The following NECAB1 variants were observed in gnomAD, a reference collection of about 807,000 sequenced individuals.
NECAB1 encodes N-terminal EF-hand calcium-binding protein 1.
Under a neutral mutation model 57.5 loss-of-function variants are expected in NECAB1, and 29 were observed. That is an observed-to-expected ratio of 0.50 (90% CI 0.38 to 0.69). The LOEUF is 0.69. NECAB1 is among the 30% of genes least tolerant of loss of function. The pLI is 0.00. For synonymous variants in NECAB1, 142 were observed against 147.7 expected (o/e 0.96, Z 0.28); for missense variants, 372 against 413.8 (o/e 0.90, Z 0.88).
At chr8:90,868,530 T>C (rs920269801) in intron 3 of NECAB1, among the ~76,000 whole-genome samples, 5 of 152,196 alleles carry the variant, frequency 3.3e-5, no homozygotes, top group Non-Finnish European at 1.5e-5. Context: ...CACTATACTT[T>C]AGCCAAGTTA....
intron 10 of NECAB1, among the ~76,000 whole-genome samples, chr8:90,942,697 C>A (rs1038689599): frequency 6.6e-6 from 1 of 152,150 alleles, no homozygotes; most frequent in Non-Finnish European, 1.5e-5. Context: ...GACTGACCAA[C>A]GTGATGAGAC....
At chr8:90,902,957 A>C (rs931029645) in intron 5 of NECAB1, among the ~76,000 whole-genome samples, 15 of 152,070 alleles carry the variant, frequency 9.9e-5, no homozygotes, top group African/African-American at 3.6e-4. Flanking sequence ...AACTATCTTT[A>C]GTTTATATTC....
chr8:90,907,864 G>A (rs1809729612), intron 5 of NECAB1, among the ~76,000 whole-genome samples: 1 of 152,122 alleles, frequency 6.6e-6, no homozygotes, highest in South Asian at 2.1e-4. Context: ...TTCATAGTGA[G>A]CCACAAGGGA....
At chr8:90,905,607 G>A (rs1280279371) in intron 5 of NECAB1, among the ~76,000 whole-genome samples, 1 of 152,138 alleles carries the variant, frequency 6.6e-6, no homozygotes, top group East Asian at 1.9e-4. Context: ...TTGCATCTGG[G>A]TGCTAATTTC....
chr8:90,890,679 A>T (rs144197628), intron 5 of NECAB1, among the ~76,000 whole-genome samples: 56 of 152,300 alleles, frequency 3.7e-4, no homozygotes, highest in Admixed American at 1.8e-3. Flanking sequence ...GTTTTTAAAG[A>T]AGTATTTTTA....
chr8:90,923,624 C>T (rs754399343), intron 6 of NECAB1, among the ~76,000 whole-genome samples: 5 of 152,110 alleles, frequency 3.3e-5, no homozygotes, highest in African/African-American at 4.8e-5. Context: ...AAAAGAAACT[C>T]GAAAGAAACA....
chr8:90,841,770 G>A (rs1330905828), intron 3 of NECAB1, among the ~76,000 whole-genome samples: 2 of 152,176 alleles, frequency 1.3e-5, no homozygotes, highest in Non-Finnish European at 1.5e-5. Flanking sequence ...ATGGGGAGGC[G>A]ACAGCTCTGA....
intron 12 of NECAB1, 96 bp from the exon 13 acceptor site, chr8:90,955,390 TA>T: frequency 2.3e-6 from 2 of 852,118 alleles, no homozygotes; most frequent in African/African-American, 1.7e-5. Context: ...AGACTAAAGG[TA>T]AGGGGAATGG....
intron 3 of NECAB1, among the ~76,000 whole-genome samples, chr8:90,826,974 G>A (rs1000250686): frequency 1.3e-5 from 2 of 151,822 alleles, no homozygotes; most frequent in African/African-American, 4.8e-5. Flanking sequence ...GAGCTAAAGT[G>A]TATATTAGGT....
intron 4 of NECAB1, among the ~76,000 whole-genome samples, chr8:90,879,133 A>G (rs1454764388): frequency 3.5e-5 from 5 of 143,144 alleles, no homozygotes; most frequent in Non-Finnish European, 7.5e-5. Flanking sequence ...TATATATAAT[A>G]TATATATATC....
chr8:90,820,222 G>C (rs919204219), intron 2 of NECAB1, among the ~76,000 whole-genome samples: 2 of 151,804 alleles, frequency 1.3e-5, no homozygotes, highest in Non-Finnish European at 2.9e-5. Context: ...TCGAAGAAAA[G>C]TCATTGAATT....
chr8:90,801,254 C>T (rs551505869), intron 1 of NECAB1, among the ~76,000 whole-genome samples: 3 of 152,246 alleles, frequency 2.0e-5, no homozygotes, highest in South Asian at 2.1e-4. Context: ...TTGTAATCCA[C>T]CCTCCCCTGC....
At chr8:90,934,283 C>T in intron 8 of NECAB1, 21 bp from the exon 9 acceptor site, 2 of 1,494,788 alleles carry the variant, frequency 1.3e-6, no homozygotes, top group South Asian at 1.4e-5. Context: ...TCTTTTCTGC[C>T]ATTTCTTCCT....
intron 5 of NECAB1, among the ~76,000 whole-genome samples, chr8:90,889,505 G>A: frequency 6.6e-6 from 1 of 152,348 alleles, no homozygotes; most frequent in African/African-American, 2.4e-5. Flanking sequence ...GTTATCTACT[G>A]TGGAAGTTTC....
At chr8:90,941,025 C>T (rs1458815240) in intron 10 of NECAB1, 127 bp downstream of exon 10, 2 of 688,828 alleles carry the variant, frequency 2.9e-6, no homozygotes, top group African/African-American at 3.6e-5. Flanking sequence ...TTAAATTATA[C>T]AGAGCATTCC....
intron 3 of NECAB1, among the ~76,000 whole-genome samples, chr8:90,845,968 G>A (rs1009641743): frequency 1.3e-5 from 2 of 152,144 alleles, no homozygotes; most frequent in Admixed American, 1.3e-4. Flanking sequence ...TTAAGTTGCT[G>A]GGAGACCACA....
chr8:90,849,197 T>C (rs1812631742), intron 3 of NECAB1, among the ~76,000 whole-genome samples: 2 of 152,110 alleles, frequency 1.3e-5, no homozygotes, highest in South Asian at 4.1e-4. Flanking sequence ...GGCCTGGGTA[T>C]AGTGGCTCAT....
intron 1 of NECAB1, among the ~76,000 whole-genome samples, chr8:90,798,943 C>A (rs887815834): frequency 6.6e-6 from 1 of 152,190 alleles, no homozygotes; most frequent in Non-Finnish European, 1.5e-5. Context: ...CTTTTCTCTG[C>A]AGCAGCTCCA....
chr8:90,888,908 C>T (rs1317637588), intron 5 of NECAB1, among the ~76,000 whole-genome samples: 1 of 152,098 alleles, frequency 6.6e-6, no homozygotes, highest in African/African-American at 2.4e-5. Context: ...ACTGAGATCT[C>T]TGGGAAACTT....
Sources: allele counts gnomAD v4.1 joint callset (sites outside exome capture counted in the v4.1 genomes callset), GRCh38; gene constraint gnomAD v4.1.1; transcripts MANE v1.5; gene names NCBI Gene and HGNC (gene_info 2026-07-23, HGNC 2026-07-21).